SLC30A6: variants seen among roughly 807,000 people sequenced by gnomAD.
SLC30A6 encodes the protein solute carrier family 30 member 6.
In SLC30A6, 55 loss-of-function variants were observed where a neutral mutation model predicts 63.0. The ratio of observed to expected loss-of-function variants is 0.87; its 90% CI spans 0.70 to 1.09. The LOEUF is 1.09. Among genes scored for constraint, SLC30A6 ranks in the 50% least tolerant of loss-of-function variants. SLC30A6 has a pLI of 0.00. For synonymous variants in SLC30A6, 224 were observed against 186.1 expected (o/e 1.20, Z -1.66); for missense variants, 587 against 549.2 (o/e 1.07, Z -0.69).
chr2:32,202,095 C>T (rs1291411065), intron 10 of SLC30A6: 5 of 763,842 alleles, frequency 6.5e-6, no homozygotes, highest in African/African-American at 1.8e-5. Context: ...TAGAGGAGAC[C>T]TTAACACATG....
intron 3 of SLC30A6, among the ~76,000 whole-genome samples, chr2:32,174,942 G>A (rs924428202): frequency 2.6e-5 from 4 of 152,098 alleles, no homozygotes; most frequent in Non-Finnish European, 4.4e-5. Context: ...CCTTAAAAAG[G>A]GAATTCTGTA....
intron 11 of SLC30A6, among the ~76,000 whole-genome samples, chr2:32,205,687 G>C (rs536469834): frequency 1.2e-5 from 1 of 83,168 alleles, no homozygotes; most frequent in African/African-American, 4.8e-5. Flanking sequence ...TTTTTTTTGA[G>C]ACAGAGTCTC....
intron 4 of SLC30A6, chr2:32,177,658 TG>T (rs1681889553): frequency 6.2e-6 from 1 of 161,024 alleles, no homozygotes; most frequent in African/African-American, 2.4e-5. Flanking sequence ...TGATTTTTTT[TG>T]TTGTTGTTTT....
intron 4 of SLC30A6, among the ~76,000 whole-genome samples, chr2:32,177,300 G>A (rs1235751116): frequency 6.6e-6 from 1 of 152,028 alleles, no homozygotes; most frequent in East Asian, 1.9e-4. Flanking sequence ...TTTTGTTGTA[G>A]CATATATCAA....
chr2:32,202,331 T>G (rs1684366565), intron 10 of SLC30A6: 2 of 389,730 alleles, frequency 5.1e-6, no homozygotes, highest in Admixed American at 6.5e-5. Flanking sequence ...AGAAACAGTT[T>G]TTTGTTTGTT....
intron 8 of SLC30A6, among the ~76,000 whole-genome samples, chr2:32,195,434 T>C (rs1683702599): frequency 6.6e-6 from 1 of 152,110 alleles, no homozygotes; most frequent in Admixed American, 6.5e-5. Context: ...TGAATGTAAA[T>C]GATTTTTTAA....
At chr2:32,182,127 G>A (rs1049915336) in intron 4 of SLC30A6, among the ~76,000 whole-genome samples, 14 of 151,558 alleles carry the variant, frequency 9.2e-5, no homozygotes, top group Admixed American at 7.9e-4. Context: ...TGGTGATGGG[G>A]TCTCGACATG....
At chr2:32,205,662 C>T (rs72863964) in intron 11 of SLC30A6, among the ~76,000 whole-genome samples, 3,396 of 87,526 alleles carry the variant, frequency 0.039, 194 homozygotes, top group African/African-American at 0.1. Context: ...AATGTTACTT[C>T]TTTTTTTTTT....
At chr2:32,182,917 G>A (rs999928307) in intron 4 of SLC30A6, among the ~76,000 whole-genome samples, 8 of 152,076 alleles carry the variant, frequency 5.3e-5, no homozygotes, top group African/African-American at 1.2e-4. Flanking sequence ...AGCCAGGCAC[G>A]GTGCCTCACA....
At chr2:32,191,612 T>A (rs1007309143) in intron 5 of SLC30A6, among the ~76,000 whole-genome samples, 3 of 152,184 alleles carry the variant, frequency 2.0e-5, no homozygotes, top group African/African-American at 7.2e-5. Context: ...GTATAATAAG[T>A]GGTTAAAATC....
At chr2:32,203,972 G>A in intron 10 of SLC30A6, 1 of 748,976 alleles carries the variant, frequency 1.3e-6, no homozygotes, top group Non-Finnish European at 2.3e-6. Flanking sequence ...AATCGATCAA[G>A]AAGTGGGAGC....
chr2:32,172,266 A>G (rs1402870860), intron 2 of SLC30A6, among the ~76,000 whole-genome samples: 2 of 152,238 alleles, frequency 1.3e-5, no homozygotes, highest in African/African-American at 2.4e-5. Flanking sequence ...AGCAGTACCA[A>G]TGGGCACTCC....
intron 8 of SLC30A6, 106 bp downstream of exon 8, chr2:32,194,089 A>G: frequency 1.2e-6 from 1 of 844,144 alleles, no homozygotes; most frequent in Non-Finnish European, 1.8e-6. Flanking sequence ...TATATTCTGA[A>G]GACAAGAGAG....
At chr2:32,179,634 A>G (rs212739) in intron 4 of SLC30A6, among the ~76,000 whole-genome samples, 90,102 of 151,996 alleles carry the variant, frequency 0.59, 27,047 homozygotes, top group African/African-American at 0.62. Flanking sequence ...AGACAATAAA[A>G]TCAAAGCATT....
At chr2:32,203,194 C>CT (rs1274754471) in intron 10 of SLC30A6, 1 of 1,173,728 alleles carries the variant, frequency 8.5e-7, no homozygotes, top group Non-Finnish European at 1.3e-6. Context: ...CATGGTTCTC[C>CT]TCCTCAGGAT....
Position 32,204,133 on chromosome 2 carries a change from A to G in SLC30A6, c.666-457A>G, listed in dbSNP as rs1684536837. ...CAAATAAATTGGTCATATTTTTTTA[A>G]AAAGTATTTCACAAGAATGATTGTA... On this transcript the variant is annotated intron_variant, in intron 10 of 13. Coordinates refer to ENST00000282587, the MANE Select transcript of SLC30A6 (RefSeq NM_017964.5). 1.3e-5 allele frequency: 5 copies of G among 376,548 alleles called. No individual in the cohort carries two copies. In the East Asian group the frequency reaches 2.8e-4, roughly 21 times the overall value. 23.3% of individuals were successfully genotyped at this position (376,548 alleles called of 1,614,324 possible).
At chr2:32,174,244 A>G in intron 3 of SLC30A6, 97 bp downstream of exon 3, 1 of 817,628 alleles carries the variant, frequency 1.2e-6, no homozygotes, top group Non-Finnish European at 1.9e-6. Context: ...ATTATTCTGA[A>G]ATGTATATAA....
At chr2:32,181,234 A>G (rs2148823292) in intron 4 of SLC30A6, among the ~76,000 whole-genome samples, 1 of 152,328 alleles carries the variant, frequency 6.6e-6, no homozygotes, top group South Asian at 2.1e-4. Flanking sequence ...TAGTAATGGG[A>G]AGTAAATTCG....
At chr2:32,204,715 C>A in intron 11 of SLC30A6, 23 bp downstream of exon 11, 1 of 1,461,110 alleles carries the variant, frequency 6.8e-7, no homozygotes, top group Non-Finnish European at 9.5e-7. Context: ...TTCCAATGCA[C>A]GTGCTTAATA....
Sources: allele counts gnomAD v4.1 joint callset (sites outside exome capture counted in the v4.1 genomes callset), GRCh38; gene constraint gnomAD v4.1.1; transcripts MANE v1.5; gene names NCBI Gene and HGNC (gene_info 2026-07-23, HGNC 2026-07-21).